The following VAV3 variants were observed in gnomAD, a reference collection of about 807,000 sequenced individuals.
VAV3 encodes the protein guanine nucleotide exchange factor VAV3.
VAV3 carries 94 observed loss-of-function variants against 131.2 expected under a neutral mutation model. The ratio of observed to expected loss-of-function variants is 0.72; its 90% CI spans 0.61 to 0.85. The LOEUF (loss-of-function observed/expected upper bound fraction) is 0.85, where lower values mean the gene tolerates loss of function less well. Ranked by LOEUF, VAV3 falls within the 40% of genes least tolerant of loss-of-function variation. VAV3 has a pLI of 0.00. For synonymous variants in VAV3, 349 were observed against 342.0 expected, an observed-to-expected ratio of 1.02 and a Z score of -0.22; for missense variants, 939 against 1,002.7, an observed-to-expected ratio of 0.94 and a Z score of 0.86.
At chr1:107,735,813 C>G (rs1407106045) in intron 15 of VAV3, among the ~76,000 whole-genome samples, 1 of 152,082 alleles carries the variant, frequency 6.6e-6, no homozygotes, top group Non-Finnish European at 1.5e-5. Context: ...GAAACTATTC[C>G]AATCAATAGA....
rs1653575039 is a variant in VAV3 at position 107,621,184 on chromosome 1, G to GT, written c.1915-3553dup. 2.0e-5 allele frequency among the ~76,000 whole-genome samples: 3 copies of GT among 151,374 alleles called. 1 individual carries two copies. In the South Asian group the frequency reaches 6.3e-4, roughly 32 times the overall value. ...CAGGCTGCCAATGTCATTCTGAATTGTTTTTTCCTTAATAAAATGCCCTAG... is the reference window on the plus strand; with the variant it reads ...CAGGCTGCCAATGTCATTCTGAATTGTTTTTTTCCTTAATAAAATGCCCTAG... On this transcript the variant is annotated intron_variant, in intron 20 of 26. Coordinates refer to ENST00000370056, the MANE Select transcript of VAV3 (RefSeq NM_006113.5).
chr1:107,648,261 A>C (rs1172904339), intron 19 of VAV3, among the ~76,000 whole-genome samples: 1 of 152,004 alleles, frequency 6.6e-6, no homozygotes. Flanking sequence ...CTTCATAACC[A>C]CTGACTAGTC....
At position 107,667,107 on chromosome 1, in the gene VAV3, T is replaced by C. The variant is rs781445786; in HGVS notation, c.1777+16381A>G. Among the ~76,000 whole-genome samples, 102 of 152,234 alleles carry C rather than the reference T, an allele frequency of 6.7e-4. 1 individual carries two copies. The highest frequency in any genetic ancestry group is 6.6e-4 in the Non-Finnish European group (45 of 68,040). Reference sequence around the variant, plus strand: ...GAGTCTGGTATCCAGAAGCTGCCTCTATAGGTTTTAGCTCACCTTCTATAC... The same window carrying C: ...GAGTCTGGTATCCAGAAGCTGCCTCCATAGGTTTTAGCTCACCTTCTATAC... On this transcript the variant is annotated intron_variant, in intron 19 of 26. Coordinates refer to ENST00000370056, the MANE Select transcript of VAV3 (RefSeq NM_006113.5).
intron 1 of VAV3, among the ~76,000 whole-genome samples, chr1:107,901,935 C>T (rs532469243): frequency 1.3e-5 from 2 of 151,598 alleles, no homozygotes; most frequent in Middle Eastern, 3.4e-3. Flanking sequence ...CCCAGCTACT[C>T]GGGAGGCTGA....
chr1:107,702,263 CTCATGAGAACTCACTCACTA>C (rs1660178052), intron 17 of VAV3, among the ~76,000 whole-genome samples: 1 of 152,170 alleles, frequency 6.6e-6, no homozygotes, highest in African/African-American at 2.4e-5. Context: ...ACCATCAGTT[CTCATGAGAACTCACTCACTA>C]TCATGAGAAC....
At chr1:107,737,770 C>G (rs1434381185) in intron 15 of VAV3, among the ~76,000 whole-genome samples, 5 of 152,248 alleles carry the variant, frequency 3.3e-5, no homozygotes, top group African/African-American at 7.2e-5. Flanking sequence ...CTGTAAACTA[C>G]TTCAACCATT....
At chr1:107,629,474 T>C (rs760348777) in intron 20 of VAV3, among the ~76,000 whole-genome samples, 1 of 152,182 alleles carries the variant, frequency 6.6e-6, no homozygotes, top group Non-Finnish European at 1.5e-5. Flanking sequence ...GATGACACGA[T>C]CAGAATTGTC....
At chr1:107,757,419 T>C (rs1363847777) in intron 10 of VAV3, 90 bp from the exon 11 acceptor site, 5 of 1,104,992 alleles carry the variant, frequency 4.5e-6, no homozygotes, top group East Asian at 2.6e-5. Flanking sequence ...ACCATTATTA[T>C]TGGTTTTCTC....
chr1:107,910,179 G>A (rs1039723315), intron 1 of VAV3, among the ~76,000 whole-genome samples: 3 of 152,228 alleles, frequency 2.0e-5, no homozygotes, highest in Admixed American at 6.5e-5. Flanking sequence ...AGAGATATCA[G>A]TGGAATTTGT....
intron 1 of VAV3, among the ~76,000 whole-genome samples, chr1:107,882,737 TC>T (rs1340901560): frequency 4.6e-5 from 7 of 152,166 alleles, no homozygotes; most frequent in African/African-American, 1.7e-4. Context: ...TTTGTCCTTT[TC>T]CCCCGTGTAT....
At chr1:107,768,634 A>G in intron 6 of VAV3, 125 bp from the exon 7 acceptor site, 1 of 618,474 alleles carries the variant, frequency 1.6e-6, no homozygotes, top group Non-Finnish European at 2.7e-6. Flanking sequence ...ATAAACACCA[A>G]AATTGTAGAA....
At chr1:107,807,291 CA>C (rs1246619126) in intron 2 of VAV3, among the ~76,000 whole-genome samples, 1 of 152,156 alleles carries the variant, frequency 6.6e-6, no homozygotes, top group African/African-American at 2.4e-5. Context: ...GAAGCCACAG[CA>C]ACTTTCTTTT....
intron 15 of VAV3, among the ~76,000 whole-genome samples, chr1:107,725,966 T>C (rs1661815511): frequency 2.0e-5 from 3 of 152,150 alleles, no homozygotes. Context: ...GTGGGTACTT[T>C]TAAATAACAA....
At chr1:107,834,430 C>A (rs910084668) in intron 2 of VAV3, among the ~76,000 whole-genome samples, 1 of 151,998 alleles carries the variant, frequency 6.6e-6, no homozygotes, top group Non-Finnish European at 1.5e-5. Context: ...AGTAAGGACA[C>A]AGGAAAATAA....
intron 15 of VAV3, among the ~76,000 whole-genome samples, chr1:107,711,623 A>C (rs1260460104): frequency 6.6e-6 from 1 of 152,222 alleles, no homozygotes; most frequent in African/African-American, 2.4e-5. Context: ...GTCTAAGAAA[A>C]ATCCTAACAT....
At chr1:107,845,633 A>C (rs1668928027) in intron 2 of VAV3, among the ~76,000 whole-genome samples, 1 of 152,200 alleles carries the variant, frequency 6.6e-6, no homozygotes, top group Non-Finnish European at 1.5e-5. Flanking sequence ...AAAACACAGC[A>C]CGAGAACTTC....
chr1:107,851,374 A>G (rs966467931), intron 2 of VAV3, among the ~76,000 whole-genome samples: 12 of 147,732 alleles, frequency 8.1e-5, no homozygotes, highest in Admixed American at 1.4e-4. Flanking sequence ...CACCCAGCAT[A>G]CTTGAACTAG....
chr1:107,933,042 G>A (rs985877242), intron 1 of VAV3, among the ~76,000 whole-genome samples: 2 of 152,080 alleles, frequency 1.3e-5, no homozygotes, highest in African/African-American at 4.8e-5. Context: ...CCAATGTTAA[G>A]GAATATATCT....
chr1:107,777,598 T>C (rs944830645), intron 3 of VAV3: 4 of 377,244 alleles, frequency 1.1e-5, no homozygotes, highest in Non-Finnish European at 1.9e-5. Flanking sequence ...ATCTCCCACC[T>C]GCCACATACC....
Sources: gnomAD v4.1 joint callset for allele counts (sites outside exome capture counted in the v4.1 genomes callset) on GRCh38, gnomAD v4.1.1 for gene constraint, MANE v1.5 for transcripts, NCBI Gene and HGNC (gene_info 2026-07-23, HGNC 2026-07-21) for gene names.